The following LAMC1 variants were observed in gnomAD, a reference collection of about 807,000 sequenced individuals.
LAMC1 encodes laminin subunit gamma 1.
A neutral mutation model predicts 173.6 loss-of-function variants in LAMC1; 38 were observed. The ratio of observed to expected loss-of-function variants is 0.22; its 90% CI spans 0.17 to 0.29. LAMC1 has a LOEUF of 0.29. LAMC1 is among the 10% of genes least tolerant of loss of function. The probability of loss-of-function intolerance (pLI) is 1.00; values close to 1 mark genes in which losing one functional copy is unlikely to be tolerated. For synonymous variants in LAMC1, 746 were observed against 749.1 expected, an observed-to-expected ratio of 1.00 and a Z score of 0.07; for missense variants, 1,824 against 2,051.8, an observed-to-expected ratio of 0.89 and a Z score of 2.14.
At chr1:183,084,306 G>A (rs545935837) in intron 1 of LAMC1, among the ~76,000 whole-genome samples, 1 of 150,186 alleles carries the variant, frequency 6.7e-6, no homozygotes, top group Non-Finnish European at 1.5e-5. Context: ...TCGCGCCGCC[G>A]CACTCCAGCC....
chr1:183,114,221 T>C (rs919313918), intron 4 of LAMC1, among the ~76,000 whole-genome samples: 3 of 152,126 alleles, frequency 2.0e-5, no homozygotes, highest in Admixed American at 2.0e-4. Context: ...AGGCATCTGC[T>C]ACCACACCCG....
chr1:183,047,477 C>T (rs538238467), intron 1 of LAMC1, among the ~76,000 whole-genome samples: 1 of 152,130 alleles, frequency 6.6e-6, no homozygotes, highest in Non-Finnish European at 1.5e-5. Context: ...AACTGTCTAA[C>T]GCCCTCTGAA....
chr1:183,121,696 T>A, intron 11 of LAMC1, 27 bp from the exon 12 acceptor site: 1 of 1,584,272 alleles, frequency 6.3e-7, no homozygotes. Context: ...GCCAGTTCAG[T>A]GATTTTCTTT....
At chr1:183,049,786 C>G (rs565220582) in intron 1 of LAMC1, among the ~76,000 whole-genome samples, 1 of 151,480 alleles carries the variant, frequency 6.6e-6, no homozygotes, top group Non-Finnish European at 1.5e-5. Context: ...TTTCTTATCT[C>G]CTTAAATACC....
rs56152259 is a variant in LAMC1, at chr1:183,140,245, C to CAAAAAAAAAAAAAAAAAA, written c.4474-156_4474-139dup. Among the ~76,000 whole-genome samples the CAAAAAAAAAAAAAAAAAA allele has an allele frequency of 2.4e-3, 126 of 52,874 alleles. 9 individuals are homozygous for CAAAAAAAAAAAAAAAAAA. The highest frequency in any genetic ancestry group is 4.0e-3 in the African/African-American group (57 of 14,132). The allele number at this position is 52,874 out of a possible 152,430, so 34.7% of individuals were successfully genotyped here. A position where few individuals can be genotyped will look rare whatever the true frequency, so the allele number is the denominator to read the frequency against. On this transcript the variant is annotated intron_variant, in intron 26 of 27. Transcript: ENST00000258341. ...ATATGAAGATATGCAGCAGCCCCACCAAAAAAAAAAAAAAAAAAAAGCAAT... is the reference window on the plus strand; with the variant it reads ...ATATGAAGATATGCAGCAGCCCCACCAAAAAAAAAAAAAAAAAAAAAAAAAAAAAAAAAAAAAAGCAAT...
chr1:183,036,096 CTTTTT>C (rs35129932), intron 1 of LAMC1, among the ~76,000 whole-genome samples: 20 of 137,400 alleles, frequency 1.5e-4, no homozygotes, highest in Non-Finnish European at 1.1e-4. Flanking sequence ...TGAATGAATT[CTTTTT>C]TTTTTTTTTT....
chr1:183,135,182 C>T, intron 24 of LAMC1, 26 bp downstream of exon 24: 1 of 1,393,304 alleles, frequency 7.2e-7, no homozygotes, highest in East Asian at 2.3e-5. Flanking sequence ...ATAACAGGGG[C>T]AAATGCTTCC....
intron 8 of LAMC1, 61 bp from the exon 9 acceptor site, chr1:183,117,259 A>C: frequency 6.5e-7 from 1 of 1,542,876 alleles, no homozygotes; most frequent in Non-Finnish European, 8.8e-7. Flanking sequence ...TGATACATAG[A>C]GGACCTGAAT....
chr1:183,089,305 T>TA (rs1460165238), intron 1 of LAMC1, among the ~76,000 whole-genome samples: 2 of 152,324 alleles, frequency 1.3e-5, no homozygotes, highest in East Asian at 3.9e-4. Flanking sequence ...TTTCTTCTGA[T>TA]ATCACTGTTT....
intron 1 of LAMC1, among the ~76,000 whole-genome samples, chr1:183,024,910 G>GAAA (rs1207253592): frequency 1.2e-4 from 19 of 152,262 alleles, no homozygotes; most frequent in African/African-American, 4.3e-4. Context: ...GGGATGTGTA[G>GAAA]AAAACTTCAT....
At chr1:183,114,302 C>T (rs1168201466) in intron 4 of LAMC1, among the ~76,000 whole-genome samples, 2 of 152,154 alleles carry the variant, frequency 1.3e-5, no homozygotes, top group South Asian at 2.1e-4. Flanking sequence ...AACTCATGAC[C>T]TCAGGTGATC....
Position 183,103,483 on chromosome 1 carries a change from G to C in LAMC1, c.574G>C (p.Gly192Arg). The C allele has an allele frequency of 6.2e-7, 1 of 1,614,124 alleles. No individual in the cohort carries two copies. The highest frequency in any genetic ancestry group is 1.3e-5 in the African/African-American group (1 of 75,024). ...GAACACCTACTCCAAGGCAAACCGC[G>C]GCTTCATCAGGACAGGAGGGGACGA... Reference protein sequence around the residue: ...CENTYSKANRGFIRTGGDEQQ... With the variant: ...CENTYSKANRRFIRTGGDEQQ... Residue 192 changes from glycine to arginine, a missense_variant, in exon 2 of 28, where the codon GGC becomes CGC. Transcript: ENST00000258341.
chr1:183,133,582 C>A (rs539232746), intron 22 of LAMC1, 32 bp downstream of exon 22: 4 of 1,578,418 alleles, frequency 2.5e-6, no homozygotes, highest in African/African-American at 2.7e-5. Context: ...ACAGCCCCAC[C>A]CCGTCTCTCC....
At position 183,034,885 on chromosome 1, in the gene LAMC1, T is replaced by C. The variant is rs1653939506; in HGVS notation, c.418+10751T>C. On this transcript the variant is annotated intron_variant, in intron 1 of 27. Coordinates refer to ENST00000258341, the MANE Select transcript of LAMC1 (RefSeq NM_002293.4). The stretch of plus-strand genomic sequence containing the variant: ...CTGGTTACCTCTTTGAATTCTTCAG[T>C]CTTGAGAACTATTGTTAGCCCCGGG... Among the ~76,000 whole-genome samples, 3 of 152,302 alleles carry C rather than the reference T, an allele frequency of 2.0e-5. No individual in the cohort carries two copies. In the South Asian group the frequency reaches 6.2e-4, roughly 32 times the overall value.
At chr1:183,123,041 A>C (rs1656522905) in intron 13 of LAMC1, among the ~76,000 whole-genome samples, 1 of 152,128 alleles carries the variant, frequency 6.6e-6, no homozygotes, top group Non-Finnish European at 1.5e-5. Context: ...AGCCAAAGGA[A>C]CTCAAATTTA....
In LAMC1 at chr1:183,124,755, C is replaced by G; in HGVS notation, c.2526C>G (p.Cys842Trp). The change falls in exon 14 of 28, where the codon TGC becomes TGG. Residue 842 changes from cysteine to tryptophan, a missense_variant. Transcript: ENST00000258341. ...DNIDPNAVGN[C>W]NRLTGECLKC... ...TCGATCCCAATGCAGTTGGAAATTGCAATCGCTTGACGGGAGAATGCCTGA... is the reference window on the plus strand; with the variant it reads ...TCGATCCCAATGCAGTTGGAAATTGGAATCGCTTGACGGGAGAATGCCTGA... 1 of 1,614,200 alleles carries G rather than the reference C, an allele frequency of 6.2e-7. No homozygotes were observed. The highest frequency in any genetic ancestry group is 8.5e-7 in the Non-Finnish European group (1 of 1,180,038).
chr1:183,034,809 C>T (rs527660310), intron 1 of LAMC1, among the ~76,000 whole-genome samples: 2 of 152,302 alleles, frequency 1.3e-5, no homozygotes, highest in East Asian at 1.9e-4. Context: ...CTGAGGAGAA[C>T]TTGAAAGCTG....
intron 27 of LAMC1, 57 bp downstream of exon 27, chr1:183,140,560 G>T: frequency 1.8e-6 from 2 of 1,131,312 alleles, no homozygotes; most frequent in South Asian, 1.3e-5. Flanking sequence ...CTGTTCTTAG[G>T]ATCTGATATA....
intron 2 of LAMC1, among the ~76,000 whole-genome samples, chr1:183,105,217 T>C (rs1655941239): frequency 1.2e-5 from 1 of 83,494 alleles, no homozygotes; most frequent in Non-Finnish European, 2.1e-5. Context: ...AGAGTGAGAC[T>C]CCATCTCAAA....
Sources: allele counts gnomAD v4.1 joint callset (sites outside exome capture counted in the v4.1 genomes callset), GRCh38; gene constraint gnomAD v4.1.1; transcripts MANE v1.5; gene names NCBI Gene and HGNC (gene_info 2026-07-23, HGNC 2026-07-21).